The following SAMD4A variants were observed in gnomAD, a reference collection of about 807,000 sequenced individuals.
SAMD4A encodes protein Smaug homolog 1.
Under a neutral mutation model 81.3 loss-of-function variants are expected in SAMD4A, and 33 were observed. The ratio of observed to expected loss-of-function variants is 0.41; its 90% CI spans 0.31 to 0.54. SAMD4A has a LOEUF of 0.54. SAMD4A is among the 20% of genes least tolerant of loss of function. SAMD4A has a pLI of 0.37. For synonymous variants in SAMD4A, 389 were observed against 382.1 expected, an observed-to-expected ratio of 1.02 and a Z score of -0.21; for missense variants, 854 against 951.1, an observed-to-expected ratio of 0.90 and a Z score of 1.34.
intron 2 of SAMD4A, among the ~76,000 whole-genome samples, chr14:54,648,686 T>C (rs1413581556): frequency 6.6e-6 from 1 of 152,086 alleles, no homozygotes; most frequent in Non-Finnish European, 1.5e-5. Context: ...GAGGTAACCT[T>C]GTAGGCTCTG....
chr14:54,714,179 C>G (rs1485820840), intron 3 of SAMD4A, among the ~76,000 whole-genome samples: 3 of 152,106 alleles, frequency 2.0e-5, no homozygotes, highest in Non-Finnish European at 4.4e-5. Flanking sequence ...GTCTTTCCTG[C>G]ATAAATCATA....
intron 3 of SAMD4A, among the ~76,000 whole-genome samples, chr14:54,705,454 T>C (rs548676233): frequency 6.6e-6 from 1 of 152,330 alleles, no homozygotes; most frequent in South Asian, 2.1e-4. Context: ...GGAAAAACAA[T>C]CTGCGTAAGA....
At chr14:54,625,800 G>A (rs1036854406) in intron 2 of SAMD4A, among the ~76,000 whole-genome samples, 4 of 152,116 alleles carry the variant, frequency 2.6e-5, no homozygotes, top group Non-Finnish European at 5.9e-5. Context: ...ATGACTAATG[G>A]TCACTCTTAC....
chr14:54,659,770 T>A (rs561954894), intron 2 of SAMD4A, among the ~76,000 whole-genome samples: 16 of 152,064 alleles, frequency 1.1e-4, no homozygotes, highest in Non-Finnish European at 7.4e-5. Context: ...GAAATTTAGT[T>A]TGGAAACTAC....
intron 2 of SAMD4A, among the ~76,000 whole-genome samples, chr14:54,595,606 C>T (rs1406988315): frequency 6.6e-6 from 1 of 151,896 alleles, no homozygotes; most frequent in Non-Finnish European, 1.5e-5. Context: ...CCTCTTAATG[C>T]AGATTTTTAG....
At chr14:54,771,153 T>C (rs1469880567) in intron 9 of SAMD4A, among the ~76,000 whole-genome samples, 1 of 152,166 alleles carries the variant, frequency 6.6e-6, no homozygotes, top group Non-Finnish European at 1.5e-5. Context: ...CCAGTTGAAG[T>C]TTGTGAAAAG....
intron 3 of SAMD4A, among the ~76,000 whole-genome samples, chr14:54,725,970 C>T (rs2037406038): frequency 6.6e-6 from 1 of 152,174 alleles, no homozygotes; most frequent in Non-Finnish European, 1.5e-5. Flanking sequence ...ACATACAAAT[C>T]TCCTAGGGTC....
Position 54,586,072 on chromosome 14 carries a change from C to T in SAMD4A, c.196+17960C>T, listed in dbSNP as rs1441975626. ...TCCCACCGACAGTGTAAAAGTGTTC[C>T]CTTTTCACCACATCCCCGCCAATAT... On this transcript the variant is annotated intron_variant, in intron 2 of 12. Coordinates refer to ENST00000554335, the MANE Select transcript of SAMD4A (RefSeq NM_015589.6). Among the ~76,000 whole-genome samples the T allele has an allele frequency of 1.3e-5, 2 of 152,052 alleles. 1 individual carries two copies. The highest frequency in any genetic ancestry group is 3.8e-4 in the East Asian group (2 of 5,202).
chr14:54,672,029 T>G (rs939111994), intron 2 of SAMD4A, among the ~76,000 whole-genome samples: 5 of 151,124 alleles, frequency 3.3e-5, no homozygotes, highest in African/African-American at 4.8e-5. Flanking sequence ...TGTTTTTTTT[T>G]TTTTTTTTTT....
At chr14:54,716,889 A>G (rs1360599971) in intron 3 of SAMD4A, among the ~76,000 whole-genome samples, 3 of 152,144 alleles carry the variant, frequency 2.0e-5, no homozygotes, top group African/African-American at 2.4e-5. Flanking sequence ...GGTGGCAGCT[A>G]CAATGCCCCT....
rs192466741 is a variant in SAMD4A at position 54,759,224 on chromosome 14, A to G, written c.1177-937A>G. ...TAAAACTTGTCACTCCCTTGCTCAA[A>G]ACCTTCCCTGGTTTCCCATCTTAGA... On this transcript the variant is annotated intron_variant, in intron 6 of 12. Coordinates refer to ENST00000554335, the MANE Select transcript of SAMD4A (RefSeq NM_015589.6). Among the ~76,000 whole-genome samples the G allele has an allele frequency of 5.5e-4, 83 of 152,202 alleles. No individual in the cohort carries two copies. The East Asian group carries it at 0.013, about 23-fold the overall frequency.
chr14:54,569,480 C>T (rs1346766388), intron 2 of SAMD4A, among the ~76,000 whole-genome samples: 4 of 152,168 alleles, frequency 2.6e-5, no homozygotes, highest in Non-Finnish European at 4.4e-5. Flanking sequence ...GAGGGAGATT[C>T]CATTGAGCCC....
At position 54,770,160 on chromosome 14, in the gene SAMD4A, G is replaced by A; in HGVS notation, c.1653G>A (p.Lys551=). The A allele has an allele frequency of 6.2e-7, 1 of 1,614,174 alleles. No individual in the cohort carries two copies. Among genetic ancestry groups the A allele is most frequent in the Non-Finnish European group, 8.5e-7 (1 of 1,179,998 alleles). Reference sequence around the variant, plus strand: ...TGTCATGGAAACAGCAGGTGCAGAAGCTCTTTCGGTCTTTCCCTCGGAAAA... The same window carrying A: ...TGTCATGGAAACAGCAGGTGCAGAAACTCTTTCGGTCTTTCCCTCGGAAAA... The part of the protein sequence containing the change: ...RLLSWKQQVQ[K]LFRSFPRKTL... Residue 551 remains lysine, a synonymous_variant, in exon 9 of 13, where the codon AAG becomes AAA. Transcript: ENST00000554335.
chr14:54,713,366 G>A (rs1056431251), intron 3 of SAMD4A, among the ~76,000 whole-genome samples: 1 of 152,038 alleles, frequency 6.6e-6, no homozygotes, highest in Non-Finnish European at 1.5e-5. Flanking sequence ...CATTCTATTA[G>A]GTAAAATACA....
chr14:54,672,266 C>G (rs908304390), intron 2 of SAMD4A, among the ~76,000 whole-genome samples: 2 of 151,538 alleles, frequency 1.3e-5, no homozygotes, highest in African/African-American at 2.4e-5. Flanking sequence ...TTTTTTCGAG[C>G]CTTGGGATGC....
intron 3 of SAMD4A, among the ~76,000 whole-genome samples, chr14:54,714,728 T>C (rs2037076753): frequency 6.6e-6 from 1 of 152,134 alleles, no homozygotes; most frequent in South Asian, 2.1e-4. Flanking sequence ...ATAGCCCTTA[T>C]TGTTGTCGTT....
In SAMD4A at chr14:54,770,315, C is replaced by T. The variant is rs993823834; in HGVS notation, c.1715+93C>T. ...CCTGGGGCAGGAATATGGCAGGGCA[C>T]CATTCCTTGTTCACGAAGATGCCCT... is the stretch of plus-strand genomic sequence containing the variant. On this transcript the variant is annotated intron_variant, in intron 9 of 12. Coordinates refer to ENST00000554335, the MANE Select transcript of SAMD4A (RefSeq NM_015589.6). The T allele has an allele frequency of 4.9e-6, 4 of 816,796 alleles. No homozygotes were observed. In the Admixed American group the frequency reaches 8.6e-5, roughly 18 times the overall value. The allele number at this position is 816,796 out of a possible 1,614,324, so 50.6% of individuals were successfully genotyped here. A position where few individuals can be genotyped will look rare whatever the true frequency, so the allele number is the denominator to read the frequency against.
chr14:54,684,250 C>T (rs537862385), intron 2 of SAMD4A, among the ~76,000 whole-genome samples: 2 of 152,324 alleles, frequency 1.3e-5, no homozygotes, highest in East Asian at 1.9e-4. Flanking sequence ...GTTAGTGACA[C>T]CTCTAACAGC....
At chr14:54,727,144 TC>T (rs1040913116) in intron 3 of SAMD4A, among the ~76,000 whole-genome samples, 12 of 145,284 alleles carry the variant, frequency 8.3e-5, no homozygotes, top group African/African-American at 3.0e-4. Flanking sequence ...ATGAAGCTTA[TC>T]ACAACAGCCT....
Sources: gnomAD v4.1 joint callset for allele counts (sites outside exome capture counted in the v4.1 genomes callset) on GRCh38, gnomAD v4.1.1 for gene constraint, MANE v1.5 for transcripts, NCBI Gene and HGNC (gene_info 2026-07-23, HGNC 2026-07-21) for gene names.